TMED9: variants seen among roughly 807,000 people sequenced by gnomAD.
TMED9 encodes the protein transmembrane p24 trafficking protein 9.
A neutral mutation model predicts 30.6 loss-of-function variants in TMED9; 22 were observed. That is an observed-to-expected ratio of 0.72 (90% CI 0.51 to 1.03). The LOEUF (loss-of-function observed/expected upper bound fraction) is 1.03, where lower values mean the gene tolerates loss of function less well. Ranked by LOEUF, TMED9 falls within the 50% of genes least tolerant of loss-of-function variation. The probability of loss-of-function intolerance (pLI) is 0.00; values close to 1 mark genes in which losing one functional copy is unlikely to be tolerated. For missense variants in TMED9, 251 were observed against 302.1 expected, an observed-to-expected ratio of 0.83 and a Z score of 1.25; for synonymous variants, 146 against 122.8, an observed-to-expected ratio of 1.19 and a Z score of -1.25.
chr5:177,593,532 T>G, intron 2 of TMED9, 118 bp from the exon 3 acceptor site: 1 of 1,255,642 alleles, frequency 8.0e-7, no homozygotes, highest in Non-Finnish European at 1.1e-6. Context: ...TCTTTCAGTG[T>G]TGTGAGGTGC....
At chr5:177,592,805 C>A in intron 2 of TMED9, 130 bp downstream of exon 2, 2 of 673,256 alleles carry the variant, frequency 3.0e-6, no homozygotes, top group Non-Finnish European at 5.2e-6. Context: ...TGCTGACTTG[C>A]AGACCCCGCC....
chr5:177,596,985 T>G lies in TMED9; in HGVS notation c.*1569T>G, dbSNP rs537643477. ...GGCAGTTTTGAGAAGAACCTTCTAA[T>G]AAGAAATGTGAGGGAGGTTACAGCA... On this transcript the variant is annotated 3_prime_UTR_variant, in exon 5 of 5. Coordinates refer to ENST00000332598, the MANE Select transcript of TMED9 (RefSeq NM_017510.6). 1.6e-4 allele frequency among the ~76,000 whole-genome samples: 24 copies of G among 152,076 alleles called. No individual in the cohort carries two copies. The highest frequency in any genetic ancestry group is 5.8e-4 in the African/African-American group (24 of 41,472).
chr5:177,592,582 C>T lies in TMED9; in HGVS notation c.192C>T (p.Tyr64=). 1 of 1,613,034 alleles carries T rather than the reference C, an allele frequency of 6.2e-7. No homozygotes were observed. Among genetic ancestry groups the T allele is most frequent in the South Asian group, 1.1e-5 (1 of 90,790 alleles). The change falls in exon 2 of 5, where the codon TAC becomes TAT. Residue 64 remains tyrosine (Y), a synonymous_variant. Coordinates refer to ENST00000332598, the MANE Select transcript of TMED9 (RefSeq NM_017510.6). The part of the protein sequence containing the change: ...IPDETMVIGN[Y]RTQLYDKQRE... Reference sequence around the variant, plus strand: ...CGCCCTGCTTCCCTCAAGGAAACTACCGGACGCAGCTGTATGACAAGCAGC... The same window carrying T: ...CGCCCTGCTTCCCTCAAGGAAACTATCGGACGCAGCTGTATGACAAGCAGC...
chr5:177,593,738 A>C lies in TMED9; in HGVS notation c.374A>C (p.Asn125Thr), dbSNP rs755812768. Residue 125 changes from asparagine (N) to threonine (T), a missense_variant, in exon 3 of 5, where the codon AAT becomes ACT. Physicochemically the swap from Asn to Thr is moderately conservative, Grantham distance 65 (BLOSUM62 0). Around this residue, in one of 2 missense-constraint regions of TMED9, gnomAD observed 153 missense variants for 239.6 expected, o/e 0.64. Transcript: ENST00000332598. ...GAGCACCAGATCTGTCTTCACTCCA[A>C]TTCCACCAAGTTCTCCCTCTTTGCT... ...PGEHQICLHS[N>T]STKFSLFAGG... 1.8e-5 allele frequency: 29 copies of C among 1,614,152 alleles called. No homozygotes were observed. Among genetic ancestry groups the C allele is most frequent in the Non-Finnish European group, 2.5e-5 (29 of 1,180,024 alleles).
At chr5:177,594,536 G>A (rs924070630) in intron 4 of TMED9, among the ~76,000 whole-genome samples, 39 of 152,326 alleles carry the variant, frequency 2.6e-4, no homozygotes, top group African/African-American at 8.9e-4. Flanking sequence ...CTTGGGTGCT[G>A]TTTCAGTGGG....
rs182914993 is a variant in TMED9, at chr5:177,595,222, C to T, written c.559-45C>T. On this transcript the variant is annotated intron_variant, in intron 4 of 4. Coordinates refer to ENST00000332598, the MANE Select transcript of TMED9 (RefSeq NM_017510.6). ...CCTCTTGGTCTGGGAATCAGCAGTT[C>T]TAGCAGCCCCAGCCAACTCAGGCTC... The T allele has an allele frequency of 3.5e-5, 52 of 1,485,592 alleles. 1 individual carries two copies. The Admixed American group carries it at 7.8e-4, about 22-fold the overall frequency. 92.0% of individuals were successfully genotyped at this position (1,485,592 alleles called of 1,614,324 possible).
At chr5:177,593,216 C>T (rs1243702204) in intron 2 of TMED9, 1 of 161,252 alleles carries the variant, frequency 6.2e-6, no homozygotes, top group African/African-American at 2.4e-5. Context: ...ATACCAGATA[C>T]TTGGGAGGCT....
chr5:177,593,628 G>A (rs1767632770), intron 2 of TMED9, 22 bp from the exon 3 acceptor site: 2 of 1,613,972 alleles, frequency 1.2e-6, no homozygotes, highest in African/African-American at 2.7e-5. Context: ...AATACTGACT[G>A]AAGCTTGTTA....
In TMED9 at chr5:177,594,148, C is replaced by A. The variant is rs761775290; in HGVS notation, c.421C>A (p.Leu141Met). 8 of 1,614,082 alleles carry A rather than the reference C, an allele frequency of 5.0e-6. No homozygotes were observed. The highest frequency in any genetic ancestry group is 1.6e-4 in the Middle Eastern group (1 of 6,084). The change falls in exon 4 of 5, where the codon CTG becomes ATG. Residue 141 changes from leucine to methionine, a missense_variant. Physicochemically the swap from Leu to Met is conservative, Grantham distance 15. Around this residue, in one of 2 missense-constraint regions of TMED9, gnomAD observed 153 missense variants for 239.6 expected, o/e 0.64. Coordinates refer to ENST00000332598, the MANE Select transcript of TMED9 (RefSeq NM_017510.6). ...CTTTGTCTGTCCTCAGAGAGTTCAC[C>A]TGGACATCCAGGTAGGTGAACATGC... ...LFAGGMLRVH[L>M]DIQVGEHAND...
Position 177,592,557 on chromosome 5 carries a change from C to CG in TMED9, c.185-17dup. The stretch of plus-strand genomic sequence containing the variant: ...ACCTCGCGCTCCTCTGACCTGGGCT[C>CG]GCCCTGCTTCCCTCAAGGAAACTAC... On this transcript the variant is annotated splice_polypyrimidine_tract_variant and intron_variant, in intron 1 of 4. Coordinates refer to ENST00000332598, the MANE Select transcript of TMED9 (RefSeq NM_017510.6). The CG allele has an allele frequency of 6.2e-7, 1 of 1,606,610 alleles. No individual in the cohort carries two copies. Among genetic ancestry groups the CG allele is most frequent in the Non-Finnish European group, 8.5e-7 (1 of 1,175,992 alleles).
chr5:177,595,609 C>T lies in TMED9; in HGVS notation c.*193C>T. 7.2e-6 allele frequency: 4 copies of T among 551,962 alleles called. No homozygotes were observed. In the South Asian group the frequency reaches 8.7e-5, roughly 12 times the overall value. The allele number at this position is 551,962 out of a possible 1,614,324, so 34.2% of individuals were successfully genotyped here. A position where few individuals can be genotyped will look rare whatever the true frequency, so the allele number is the denominator to read the frequency against. ...AGCAGGTAGTGGGGCAAATTCCTGCCCTCTCTCTCTGGCCTCTGGGCCGTT... is the reference window on the plus strand; with the variant it reads ...AGCAGGTAGTGGGGCAAATTCCTGCTCTCTCTCTCTGGCCTCTGGGCCGTT... On this transcript the variant is annotated 3_prime_UTR_variant, in exon 5 of 5. Coordinates refer to ENST00000332598, the MANE Select transcript of TMED9 (RefSeq NM_017510.6).
In TMED9 at chr5:177,596,154, C is replaced by T. The variant is rs1323091184; in HGVS notation, c.*738C>T. On this transcript the variant is annotated 3_prime_UTR_variant, in exon 5 of 5. Coordinates refer to ENST00000332598, the MANE Select transcript of TMED9 (RefSeq NM_017510.6). ...TGACTCAGTCATCAGTGGGCACACA[C>T]TGCAGGGTGCCTCAGGGAATGCCAG... 1 of 152,634 alleles carries T rather than the reference C, an allele frequency of 6.6e-6. No individual in the cohort carries two copies. Among genetic ancestry groups the T allele is most frequent in the Non-Finnish European group, 1.5e-5 (1 of 68,048 alleles). 9.5% of individuals were successfully genotyped at this position (152,634 alleles called of 1,614,324 possible).
chr5:177,594,042 GAAC>G, intron 3 of TMED9, 94 bp from the exon 4 acceptor site: 1 of 1,513,138 alleles, frequency 6.6e-7, no homozygotes, highest in Non-Finnish European at 9.1e-7. Flanking sequence ...TTGGCTAAAT[GAAC>G]AGATGAAGGA....
intron 2 of TMED9, chr5:177,593,435 C>T: frequency 1.9e-6 from 1 of 533,058 alleles, no homozygotes; most frequent in East Asian, 3.0e-5. Flanking sequence ...TCACTTGCCA[C>T]CCTAATGTCA....
At chr5:177,592,702 G>T in intron 2 of TMED9, 27 bp downstream of exon 2, 1 of 1,538,142 alleles carries the variant, frequency 6.5e-7, no homozygotes, top group Non-Finnish European at 8.9e-7. Context: ...CCTCCTCTCC[G>T]CCAGCCTCTC....
rs1014665789 is a variant in TMED9, at chr5:177,594,412, G to A, written c.558+127G>A. 4.3e-6 allele frequency: 5 copies of A among 1,168,774 alleles called. No individual in the cohort carries two copies. The African/African-American group carries it at 7.7e-5, about 18-fold the overall frequency. The allele number at this position is 1,168,774 out of a possible 1,614,324, so 72.4% of individuals were successfully genotyped here. A position where few individuals can be genotyped will look rare whatever the true frequency, so the allele number is the denominator to read the frequency against. ...TACCTGCACTGCATTGTAGGTCGTG[G>A]GGCGGGTATTACTAACTCGACCTTG... is the stretch of plus-strand genomic sequence containing the variant. On this transcript the variant is annotated intron_variant, in intron 4 of 4. Coordinates refer to ENST00000332598, the MANE Select transcript of TMED9 (RefSeq NM_017510.6).
chr5:177,593,996 C>A, intron 3 of TMED9, 143 bp from the exon 4 acceptor site: 1 of 1,257,006 alleles, frequency 8.0e-7, no homozygotes, highest in Non-Finnish European at 1.1e-6. Flanking sequence ...TGCCCAGAGC[C>A]TCATGGGGCT....
rs777165626 is a variant in TMED9, at chr5:177,592,688, C to G, written c.285+13C>G. On this transcript the variant is annotated intron_variant, in intron 2 of 4. Coordinates refer to ENST00000332598, the MANE Select transcript of TMED9 (RefSeq NM_017510.6). Reference sequence around the variant, plus strand: ...CCCAGAGGACAAGGTGAGCCAACCGCCCCCCTCCTCTCCGCCAGCCTCTCA... The same window carrying G: ...CCCAGAGGACAAGGTGAGCCAACCGGCCCCCTCCTCTCCGCCAGCCTCTCA... 5.8e-6 allele frequency: 9 copies of G among 1,559,020 alleles called. No homozygotes were observed. The Admixed American group carries it at 1.7e-4, about 29-fold the overall frequency.
chr5:177,595,181 G>A, intron 4 of TMED9, 86 bp from the exon 5 acceptor site: 2 of 1,426,638 alleles, frequency 1.4e-6, no homozygotes, highest in Non-Finnish European at 1.9e-6. Flanking sequence ...GGGCAAAGCT[G>A]GCTGACCTTG....
Sources: allele counts gnomAD v4.1 joint callset (sites outside exome capture counted in the v4.1 genomes callset), GRCh38; gene constraint gnomAD v4.1.1; regional missense constraint gnomAD v4.1.1; transcripts MANE v1.5; gene names NCBI Gene and HGNC (gene_info 2026-07-23, HGNC 2026-07-21).